FBXO33: variants seen among roughly 807,000 people sequenced by gnomAD.
FBXO33 encodes the protein F-box protein 33, also known as F-box only protein 33.
Under a neutral mutation model 46.3 loss-of-function variants are expected in FBXO33, and 22 were observed. The ratio of observed to expected loss-of-function variants is 0.48; its 90% confidence interval spans 0.34 to 0.68. The LOEUF is 0.68. FBXO33 is among the 30% of genes least tolerant of loss of function. FBXO33 has a pLI of 0.01. For synonymous variants in FBXO33, 337 were observed against 291.3 expected, an observed-to-expected ratio of 1.16 and a Z score of -1.60; for missense variants, 692 against 708.8, an observed-to-expected ratio of 0.98 and a Z score of 0.27.
At chr14:39,430,980 G>A (rs924990438) in intron 1 of FBXO33, among the ~76,000 whole-genome samples, 1 of 152,014 alleles carries the variant, frequency 6.6e-6, no homozygotes, top group Admixed American at 6.6e-5. Flanking sequence ...GTATGGGGAG[G>A]GACTTTCAAC....
At position 39,399,041 on chromosome 14, in the gene FBXO33, G is replaced by A. The variant is rs2075356575; in HGVS notation, c.*475C>T. ...TTTTCTGTTACAGATAATTCATTTG[G>A]GATATTATTTATCTTCCATTTGAAA... On this transcript the variant is annotated 3_prime_UTR_variant, in exon 4 of 4. Coordinates refer to ENST00000298097, the MANE Select transcript of FBXO33 (RefSeq NM_203301.4). 6.6e-6 allele frequency: 1 copy of A among 152,508 alleles called. No individual in the cohort carries two copies. Among genetic ancestry groups the A allele is most frequent in the African/African-American group, 2.4e-5 (1 of 41,370 alleles). The allele number at this position is 152,508 out of a possible 1,614,324, so 9.4% of individuals were successfully genotyped here.
chr14:39,425,286 A>T (rs1169172533), intron 1 of FBXO33, among the ~76,000 whole-genome samples: 1 of 152,156 alleles, frequency 6.6e-6, no homozygotes, highest in East Asian at 1.9e-4. Flanking sequence ...TATGGTAGTA[A>T]ACTTTGTTAA....
In FBXO33 at chr14:39,432,061, C is replaced by G; in HGVS notation, c.102G>C (p.Gln34His). The change falls in exon 1 of 4, where the codon CAG (glutamine) becomes CAC (histidine). Residue 34 changes from glutamine (Q) to histidine (H), a missense_variant. Transcript: ENST00000298097. ...VARWRRLRLQ[Q>H]LRRLRGLLRV... ...GGAGCAGCCCCCGCAGCCGTCGCAG[C>G]TGCTGCAGCCGCAGCCGCCGCCACC... is the stretch of plus-strand genomic sequence containing the variant. The G allele has an allele frequency of 8.3e-7, 1 of 1,199,972 alleles. No individual in the cohort carries two copies. The highest frequency in any genetic ancestry group is 1.0e-6 in the Non-Finnish European group (1 of 956,136). The allele number at this position is 1,199,972 out of a possible 1,614,324, so 74.3% of individuals were successfully genotyped here.
At chr14:39,418,472 G>A (rs74745468) in intron 1 of FBXO33, among the ~76,000 whole-genome samples, 8,700 of 150,710 alleles carry the variant, frequency 0.058, 329 homozygotes, top group Non-Finnish European at 0.082. Context: ...CTTCAAAATC[G>A]TTAAAAAAAT....
intron 1 of FBXO33, 77 bp downstream of exon 1, chr14:39,431,487 G>A: frequency 1.9e-6 from 3 of 1,592,018 alleles, no homozygotes; most frequent in African/African-American, 1.3e-5. Context: ...CACGTATTAT[G>A]CACAGAATCT....
rs953705439 is a variant in FBXO33, at chr14:39,432,017, G to C, written c.146C>G (p.Pro49Arg). The change falls in exon 1 of 4, where the codon CCG becomes CGG. Residue 49 changes from proline (P) to arginine (R), a missense_variant. Coordinates refer to ENST00000298097, the MANE Select transcript of FBXO33 (RefSeq NM_203301.4). ...RGLLRVLRGR[P>R]GAGSRRRGRM... The stretch of plus-strand genomic sequence containing the variant: ...GCCCCGCCGCCGGCTGCCGGCTCCC[G>C]GCCGCCCCCGCAGTACCCGGAGCAG... 1.2e-5 allele frequency: 17 copies of C among 1,409,672 alleles called. No homozygotes were observed. The highest frequency in any genetic ancestry group is 1.6e-5 in the Non-Finnish European group (17 of 1,093,414). 87.3% of individuals were successfully genotyped at this position (1,409,672 alleles called of 1,614,324 possible). A position where few individuals can be genotyped will look rare whatever the true frequency, so the allele number is the denominator to read the frequency against.
At chr14:39,405,500 G>GC (rs2075391780) in intron 1 of FBXO33, among the ~76,000 whole-genome samples, 1 of 151,828 alleles carries the variant, frequency 6.6e-6, no homozygotes, top group South Asian at 2.1e-4. Flanking sequence ...TTTTTTGGGG[G>GC]GGTGTGGAGG....
chr14:39,429,045 C>G (rs17109235), intron 1 of FBXO33, among the ~76,000 whole-genome samples: 5,047 of 152,234 alleles, frequency 0.033, 295 homozygotes, highest in African/African-American at 0.11. Context: ...GGTATGGCAA[C>G]TATAATCACT....
chr14:39,404,283 C>T (rs1348937412), intron 1 of FBXO33, among the ~76,000 whole-genome samples: 3 of 152,156 alleles, frequency 2.0e-5, no homozygotes, highest in African/African-American at 7.2e-5. Context: ...GCATATTTGA[C>T]ACTGTAAGGG....
intron 1 of FBXO33, among the ~76,000 whole-genome samples, chr14:39,419,939 C>G (rs1227256532): frequency 6.6e-6 from 1 of 152,160 alleles, no homozygotes; most frequent in Non-Finnish European, 1.5e-5. Flanking sequence ...GCTTGATAAT[C>G]TTTCTAAAGC....
At chr14:39,410,652 C>G (rs1246774337) in intron 1 of FBXO33, among the ~76,000 whole-genome samples, 1 of 152,156 alleles carries the variant, frequency 6.6e-6, no homozygotes, top group African/African-American at 2.4e-5. Flanking sequence ...CCATCCAGTC[C>G]TGGGCTTTTC....
chr14:39,405,463 G>A (rs993426239), intron 1 of FBXO33, among the ~76,000 whole-genome samples: 4 of 150,548 alleles, frequency 2.7e-5, no homozygotes, highest in African/African-American at 9.7e-5. Context: ...ACTGGGATAG[G>A]GAATATTAGA....
chr14:39,410,060 C>T (rs1442883531), intron 1 of FBXO33, among the ~76,000 whole-genome samples: 1 of 152,042 alleles, frequency 6.6e-6, no homozygotes, highest in Non-Finnish European at 1.5e-5. Flanking sequence ...GCTTCCAATA[C>T]TTTGTTGAAT....
rs2075366204 is a variant in FBXO33, at chr14:39,401,037, C to T, written c.1396+139G>A. On this transcript the variant is annotated intron_variant, in intron 3 of 3. Transcript: ENST00000298097. ...TTTTGTAAGTGATATATCTTGCAAACTTTAAAAAGCATAAGAATCTGTATA... is the reference window on the plus strand; with the variant it reads ...TTTTGTAAGTGATATATCTTGCAAATTTTAAAAAGCATAAGAATCTGTATA... The T allele has an allele frequency of 6.4e-6, 5 of 780,272 alleles. No individual in the cohort carries two copies. The South Asian group carries it at 1.3e-4, about 20-fold the overall frequency. The allele number at this position is 780,272 out of a possible 1,614,324, so 48.3% of individuals were successfully genotyped here. A position where few individuals can be genotyped will look rare whatever the true frequency, so the allele number is the denominator to read the frequency against.
chr14:39,418,942 C>T (rs762648976), intron 1 of FBXO33, among the ~76,000 whole-genome samples: 1 of 152,152 alleles, frequency 6.6e-6, no homozygotes, highest in East Asian at 1.9e-4. Flanking sequence ...CTAATTGCAG[C>T]AACAAAATGG....
intron 1 of FBXO33, among the ~76,000 whole-genome samples, chr14:39,417,862 G>C (rs1165986587): frequency 6.6e-6 from 1 of 152,042 alleles, no homozygotes; most frequent in Non-Finnish European, 1.5e-5. Context: ...CTATGGGAGA[G>C]CAAAGGCTAG....
chr14:39,407,253 GA>G (rs1386242609), intron 1 of FBXO33, among the ~76,000 whole-genome samples: 13 of 152,292 alleles, frequency 8.5e-5, no homozygotes, highest in Admixed American at 5.2e-4. Context: ...AAACATTGTT[GA>G]AATAAATCAA....
intron 1 of FBXO33, among the ~76,000 whole-genome samples, chr14:39,411,958 G>A (rs1037700554): frequency 6.6e-6 from 1 of 152,128 alleles, no homozygotes; most frequent in African/African-American, 2.4e-5. Context: ...AATTTGTTAA[G>A]ACTTGTTTTG....
At chr14:39,426,737 T>C (rs1442120448) in intron 1 of FBXO33, among the ~76,000 whole-genome samples, 5 of 152,230 alleles carry the variant, frequency 3.3e-5, no homozygotes, top group African/African-American at 1.2e-4. Flanking sequence ...TGCTATTTGC[T>C]CAGATCTTCA....
Sources: gnomAD v4.1 joint callset for allele counts (sites outside exome capture counted in the v4.1 genomes callset) on GRCh38, gnomAD v4.1.1 for gene constraint, MANE v1.5 for transcripts, NCBI Gene and HGNC (gene_info 2026-07-23, HGNC 2026-07-21) for gene names.